DNA2: variants seen among roughly 807,000 people sequenced by gnomAD.
The protein encoded by DNA2 is DNA replication ATP-dependent helicase/nuclease DNA2.
In DNA2, 101 loss-of-function variants were observed where a neutral mutation model predicts 119.1. That is an observed-to-expected ratio of 0.85 (90% CI 0.72 to 1.00). DNA2 has a LOEUF of 1.00. DNA2 is among the 50% of genes least tolerant of loss of function. The probability of loss-of-function intolerance (pLI) is 0.00; values close to 1 mark genes in which losing one functional copy is unlikely to be tolerated. For missense variants in DNA2, 1,121 were observed against 1,255.5 expected, an observed-to-expected ratio of 0.89 and a Z score of 1.62; for synonymous variants, 366 against 424.4, an observed-to-expected ratio of 0.86 and a Z score of 1.69.
At chr10:68,431,583 C>A (rs914801133) in intron 13 of DNA2, among the ~76,000 whole-genome samples, 2 of 152,188 alleles carry the variant, frequency 1.3e-5, no homozygotes, top group African/African-American at 4.8e-5. Context: ...CAACGCCCGG[C>A]CTCTAACATC....
At chr10:68,443,819 C>A (rs1007109827) in intron 8 of DNA2, among the ~76,000 whole-genome samples, 2 of 151,824 alleles carry the variant, frequency 1.3e-5, no homozygotes, top group Non-Finnish European at 2.9e-5. Context: ...GGTGTGGTGG[C>A]GGATGCCTGT....
intron 14 of DNA2, among the ~76,000 whole-genome samples, chr10:68,427,822 G>C (rs554227418): frequency 6.6e-6 from 1 of 151,018 alleles, no homozygotes; most frequent in South Asian, 2.1e-4. Flanking sequence ...TCACGAGGTC[G>C]GGAGCTCAAG....
At chr10:68,464,332 G>A (rs990771185) in intron 4 of DNA2, among the ~76,000 whole-genome samples, 5 of 151,852 alleles carry the variant, frequency 3.3e-5, no homozygotes, top group African/African-American at 4.8e-5. Flanking sequence ...GGCCAACATG[G>A]TTAAACCCCG....
intron 4 of DNA2, among the ~76,000 whole-genome samples, chr10:68,462,629 G>T (rs535510748): frequency 6.6e-6 from 1 of 152,206 alleles, no homozygotes; most frequent in Admixed American, 6.5e-5. Flanking sequence ...CTACTCTAGG[G>T]TGGTAGGGGC....
At chr10:68,451,446 T>G (rs960164114) in intron 5 of DNA2, among the ~76,000 whole-genome samples, 1 of 152,178 alleles carries the variant, frequency 6.6e-6, no homozygotes, top group African/African-American at 2.4e-5. Context: ...TCCTCTCTTA[T>G]CTAAGATTTA....
At chr10:68,430,348 G>A in intron 14 of DNA2, 88 bp downstream of exon 14, 3 of 903,996 alleles carry the variant, frequency 3.3e-6, no homozygotes, top group Non-Finnish European at 5.0e-6. Context: ...TCCAGTCAAT[G>A]TGACTAAATT....
Position 68,465,303 on chromosome 10 carries a change from CA to C in DNA2, c.587+363del, listed in dbSNP as rs370972821. On this transcript the variant is annotated intron_variant, in intron 4 of 20. Coordinates refer to ENST00000358410, the MANE Select transcript of DNA2 (RefSeq NM_001080449.3). ...AAGTGCTGGGATTACAGGCGTGAGC[CA>C]CCGCACCTGGCCGTAAAGATGCACT... 5.8e-3 allele frequency among the ~76,000 whole-genome samples: 876 copies of C among 152,224 alleles called. 15 individuals are homozygous for C. Among genetic ancestry groups the C allele is most frequent in the African/African-American group, 0.02 (832 of 41,558 alleles).
chr10:68,446,687 G>A (rs913026054), intron 6 of DNA2, among the ~76,000 whole-genome samples: 8 of 152,084 alleles, frequency 5.3e-5, no homozygotes, highest in Non-Finnish European at 1.2e-4. Context: ...GACCAGCCTG[G>A]GCAATATAGT....
chr10:68,471,858 G>C lies in DNA2; in HGVS notation c.7C>G (p.Gln3Glu), dbSNP rs1464672002. ME[Q>E]LNELELLMEK... The stretch of plus-strand genomic sequence containing the variant: ...ATCAGCAGCTCCAGTTCGTTCAGCT[G>C]CTCCATCCTGGACGCGGGGATCGCA... Residue 3 changes from glutamine (Q) to glutamate (E), a missense_variant, in exon 1 of 21, where the codon CAG (glutamine) becomes GAG (glutamate). Physicochemically the swap from Gln to Glu is conservative, Grantham distance 29 (BLOSUM62 2). Transcript: ENST00000358410. 1 of 1,613,904 alleles carries C rather than the reference G, an allele frequency of 6.2e-7. No individual in the cohort carries two copies. The highest frequency in any genetic ancestry group is 1.7e-5 in the Admixed American group (1 of 60,016).
chr10:68,467,516 C>A (rs1220211832), intron 3 of DNA2, among the ~76,000 whole-genome samples: 1 of 151,946 alleles, frequency 6.6e-6, no homozygotes, highest in East Asian at 1.9e-4. Context: ...TTATTACAAT[C>A]ATCTCTTTGT....
At chr10:68,437,371 C>T (rs1436326282) in intron 9 of DNA2, 130 bp from the exon 10 acceptor site, 2 of 789,864 alleles carry the variant, frequency 2.5e-6, no homozygotes, top group Non-Finnish European at 3.9e-6. Context: ...TGTGGTGGCT[C>T]ACGCCTGTAA....
Position 68,442,922 on chromosome 10 carries a change from C to T in DNA2, c.1410G>A (p.Ser470=), listed in dbSNP as rs145280717. The change falls in exon 9 of 21, where the codon TCG becomes TCA. Residue 470 remains serine (S), a synonymous_variant. Transcript: ENST00000358410. ...GTACTAAATGGACCACTTACATTTCCGAAGCAGGCATTAGCCAGATATTTT... is the reference window on the plus strand; with the variant it reads ...GTACTAAATGGACCACTTACATTTCTGAAGCAGGCATTAGCCAGATATTTT... ...NHQNIWLMPA[S]EMEKSGSCIG... 1.2e-5 allele frequency: 19 copies of T among 1,608,480 alleles called. No individual in the cohort carries two copies. The highest frequency in any genetic ancestry group is 2.7e-5 in the African/African-American group (2 of 74,756).
At chr10:68,450,484 G>C (rs940286500) in intron 5 of DNA2, among the ~76,000 whole-genome samples, 1 of 152,170 alleles carries the variant, frequency 6.6e-6, no homozygotes, top group African/African-American at 2.4e-5. Context: ...AGAAACTCTA[G>C]GGGTGAGGCC....
intron 10 of DNA2, among the ~76,000 whole-genome samples, chr10:68,433,472 A>T (rs2051847723): frequency 6.6e-6 from 1 of 151,886 alleles, no homozygotes; most frequent in Non-Finnish European, 1.5e-5. Context: ...ATGATTACCC[A>T]CTCTTCTGTT....
At chr10:68,472,006 G>A (rs1256612634), upstream of DNA2, 3 of 1,610,078 alleles carry the variant, frequency 1.9e-6, no homozygotes, top group South Asian at 1.1e-5. Context: ...AATGACCTGC[G>A]CCAGGCCGCC....
At chr10:68,424,552 G>A in intron 14 of DNA2, 2 of 836,010 alleles carry the variant, frequency 2.4e-6, no homozygotes, top group Non-Finnish European at 4.2e-6. Context: ...GCTAGCCGGA[G>A]CATCACCATG....
intron 2 of DNA2, 120 bp from the exon 3 acceptor site, chr10:68,468,426 A>G (rs150304834): frequency 1.5e-6 from 1 of 686,074 alleles, no homozygotes; most frequent in African/African-American, 1.8e-5. Context: ...AAATATTTCT[A>G]AATTTCTGGG....
intron 8 of DNA2, among the ~76,000 whole-genome samples, chr10:68,444,706 A>G (rs1219310126): frequency 2.8e-5 from 4 of 144,506 alleles, no homozygotes; most frequent in Admixed American, 1.4e-4. Context: ...CCTGGGCCAC[A>G]AGAGCAAAAA....
Position 68,432,241 on chromosome 10 carries a change from T to C in DNA2, c.1838A>G (p.His613Arg), listed in dbSNP as rs1447477755. 3.1e-6 allele frequency: 5 copies of C among 1,606,678 alleles called. No homozygotes were observed. The highest frequency in any genetic ancestry group is 1.7e-4 in the Middle Eastern group (1 of 6,034). ...GCAGGCAACTGTATCCTTTGCATCATGTGGAAGAACAGAACTAAGGTAGGA... is the reference window on the plus strand; with the variant it reads ...GCAGGCAACTGTATCCTTTGCATCACGTGGAAGAACAGAACTAAGGTAGGA... ...FISYLSSVLP[H>R]DAKDTVACIL... The change falls in exon 12 of 21, where the codon CAT becomes CGT. Residue 613 changes from histidine (H) to arginine (R), a missense_variant. His to Arg is a conservative substitution (Grantham distance 29). Transcript: ENST00000358410.
Sources: gnomAD v4.1 joint callset for allele counts (sites outside exome capture counted in the v4.1 genomes callset) on GRCh38, gnomAD v4.1.1 for gene constraint, MANE v1.5 for transcripts, NCBI Gene and HGNC (gene_info 2026-07-23, HGNC 2026-07-21) for gene names.